The following SUGCT variants were observed in gnomAD, a reference collection of about 807,000 sequenced individuals.
SUGCT encodes the protein succinyl-CoA:glutarate-CoA transferase, also known as succinyl-CoA:glutarate CoA-transferase.
A neutral mutation model predicts 55.0 loss-of-function variants in SUGCT; 41 were observed. The ratio of observed to expected loss-of-function variants is 0.74; its 90% CI spans 0.58 to 0.97. SUGCT has a LOEUF of 0.97. Ranked by LOEUF, SUGCT falls within the 50% of genes least tolerant of loss-of-function variation. SUGCT has a pLI of 0.00. For synonymous variants in SUGCT, 187 were observed against 200.4 expected (o/e 0.93, Z 0.56); for missense variants, 568 against 547.8 (o/e 1.04, Z -0.37).
intron 9 of SUGCT, among the ~76,000 whole-genome samples, chr7:40,430,300 C>G (rs1040708428): frequency 2.0e-5 from 3 of 152,182 alleles, no homozygotes; most frequent in Non-Finnish European, 2.9e-5. Flanking sequence ...TACAAGAGTT[C>G]TCCTTTCTCC....
chr7:40,854,923 G>A (rs573259179), intron 13 of SUGCT, among the ~76,000 whole-genome samples: 3 of 151,892 alleles, frequency 2.0e-5, no homozygotes, highest in Admixed American at 6.6e-5. Context: ...CAGACAGCAC[G>A]AAACCCTGTG....
chr7:40,609,195 G>A (rs150284055), intron 12 of SUGCT, among the ~76,000 whole-genome samples: 2 of 152,160 alleles, frequency 1.3e-5, no homozygotes, highest in Non-Finnish European at 2.9e-5. Flanking sequence ...TACATGATCG[G>A]ATTATTGTGA....
chr7:40,218,262 T>C (rs1410689879), intron 6 of SUGCT, among the ~76,000 whole-genome samples: 1 of 152,114 alleles, frequency 6.6e-6, no homozygotes, highest in Non-Finnish European at 1.5e-5. Context: ...AAGCAAGAGG[T>C]GCTCTTCAAA....
chr7:40,177,689 T>C (rs556204396), intron 1 of SUGCT, among the ~76,000 whole-genome samples: 2 of 152,298 alleles, frequency 1.3e-5, no homozygotes, highest in South Asian at 4.1e-4. Flanking sequence ...GTTGGTATCT[T>C]CCTTGTTGTC....
At chr7:40,924,082 G>A in the SUGCT span, among the ~76,000 whole-genome samples, 8 of 152,210 alleles carry the variant, frequency 5.3e-5, no homozygotes, top group South Asian at 1.5e-3. Context: ...TATCTATAAG[G>A]AACTGGCCCT....
At chr7:40,929,226 A>T in the SUGCT span, among the ~76,000 whole-genome samples, 1 of 152,138 alleles carries the variant, frequency 6.6e-6, no homozygotes, top group Admixed American at 6.5e-5. Flanking sequence ...TTCCAGCTTC[A>T]TCCATGTCTC....
At chr7:40,292,961 T>C (rs905784905) in intron 8 of SUGCT, among the ~76,000 whole-genome samples, 8 of 152,174 alleles carry the variant, frequency 5.3e-5, no homozygotes, top group African/African-American at 1.9e-4. Context: ...AAAAACCATA[T>C]TGGTCACTTC....
intron 7 of SUGCT, among the ~76,000 whole-genome samples, chr7:40,247,999 G>GT (rs1348267761): frequency 7.1e-4 from 82 of 114,780 alleles, no homozygotes; most frequent in African/African-American, 2.1e-3. Flanking sequence ...TGATTCTTGT[G>GT]TTTTTGTTTT....
chr7:40,473,034 G>T (rs1184116096), intron 11 of SUGCT, among the ~76,000 whole-genome samples: 1 of 152,098 alleles, frequency 6.6e-6, no homozygotes, highest in Non-Finnish European at 1.5e-5. Context: ...CTATGGGAAG[G>T]AAAGTATAAA....
intron 12 of SUGCT, among the ~76,000 whole-genome samples, chr7:40,504,546 T>A (rs1792482732): frequency 6.6e-6 from 1 of 152,146 alleles, no homozygotes; most frequent in Non-Finnish European, 1.5e-5. Flanking sequence ...GCAACTCTCA[T>A]GCCTCAGCCT....
intron 12 of SUGCT, among the ~76,000 whole-genome samples, chr7:40,595,212 C>T (rs558996868): frequency 2.0e-5 from 3 of 152,266 alleles, no homozygotes; most frequent in Admixed American, 6.5e-5. Flanking sequence ...AAATGCCCCC[C>T]ACTTCCTCGG....
At chr7:40,721,668 A>C (rs1449647492) in intron 12 of SUGCT, among the ~76,000 whole-genome samples, 1 of 152,242 alleles carries the variant, frequency 6.6e-6, no homozygotes, top group Non-Finnish European at 1.5e-5. Flanking sequence ...ACTTATGCAC[A>C]GAACATTCCA....
At chr7:40,752,103 C>T (rs572306544) in intron 13 of SUGCT, among the ~76,000 whole-genome samples, 2 of 152,290 alleles carry the variant, frequency 1.3e-5, no homozygotes, top group Admixed American at 6.5e-5. Flanking sequence ...TTATCCCATG[C>T]ATGTGGATTA....
At chr7:40,929,220 A>G in the SUGCT span, among the ~76,000 whole-genome samples, 5 of 152,098 alleles carry the variant, frequency 3.3e-5, no homozygotes, top group African/African-American at 9.7e-5. Context: ...GATGGTTTCC[A>G]GCTTCATCCA....
At chr7:40,513,608 G>A (rs75141496) in intron 12 of SUGCT, among the ~76,000 whole-genome samples, 201 of 152,128 alleles carry the variant, frequency 1.3e-3, no homozygotes, top group African/African-American at 4.4e-3. Context: ...ACACAGTAAG[G>A]CAAGATGCTC....
At chr7:40,962,150 G>A in the SUGCT span, among the ~76,000 whole-genome samples, 44 of 152,098 alleles carry the variant, frequency 2.9e-4, no homozygotes, top group African/African-American at 9.9e-4. Flanking sequence ...GTGCTGATTG[G>A]TGCATTTACA....
chr7:40,275,856 A>T (rs757998413), intron 8 of SUGCT, among the ~76,000 whole-genome samples: 1 of 152,178 alleles, frequency 6.6e-6, no homozygotes, highest in Non-Finnish European at 1.5e-5. Context: ...TTTTCACTGG[A>T]TCAGACCCAG....
intron 13 of SUGCT, among the ~76,000 whole-genome samples, chr7:40,813,775 TG>T (rs760319672): frequency 2.1e-4 from 32 of 152,302 alleles, no homozygotes; most frequent in Non-Finnish European, 3.2e-4. Flanking sequence ...GTTAGTTGGT[TG>T]CTTTGTAGTT....
intron 13 of SUGCT, among the ~76,000 whole-genome samples, chr7:40,755,422 G>A (rs934023873): frequency 7.9e-5 from 12 of 152,180 alleles, no homozygotes; most frequent in Admixed American, 7.2e-4. Context: ...GCATTTCTGC[G>A]ACAGGAGATG....
Sources: gnomAD v4.1 joint callset for allele counts (sites outside exome capture counted in the v4.1 genomes callset) on GRCh38, gnomAD v4.1.1 for gene constraint, MANE v1.5 for transcripts, NCBI Gene and HGNC (gene_info 2026-07-23, HGNC 2026-07-21) for gene names.